RTN4: variants seen among roughly 807,000 people sequenced by gnomAD.
RTN4 encodes the protein reticulon-4.
Under a neutral mutation model 90.4 loss-of-function variants are expected in RTN4, and 32 were observed. That is an observed-to-expected ratio of 0.35 (90% CI 0.27 to 0.48). The LOEUF (loss-of-function observed/expected upper bound fraction) is 0.48. Among genes scored for constraint, RTN4 ranks in the 20% least tolerant of loss-of-function variants. The pLI is 0.99. For missense variants in RTN4, 1,706 were observed against 1,430.2 expected (o/e 1.19, Z -3.11); for synonymous variants, 629 against 552.5 (o/e 1.14, Z -1.94).
intron 5 of RTN4, among the ~76,000 whole-genome samples, chr2:54,976,869 A>T (rs867311779): frequency 1.1e-4 from 17 of 152,246 alleles, no homozygotes; most frequent in African/African-American, 3.4e-4. Context: ...GCCAATACTT[A>T]TTAACTGAAG....
intron 5 of RTN4, 71 bp downstream of exon 5, chr2:54,982,444 A>G: frequency 7.4e-7 from 1 of 1,345,412 alleles, no homozygotes; most frequent in Non-Finnish European, 1.0e-6. Context: ...ATAGAAGAAC[A>G]GAATTTTACA....
intron 3 of RTN4, among the ~76,000 whole-genome samples, chr2:55,003,390 A>T (rs765897915): frequency 3.3e-5 from 5 of 152,200 alleles, no homozygotes; most frequent in Non-Finnish European, 5.9e-5. Flanking sequence ...ACGACACAAA[A>T]TATTTTAGTG....
the RTN4 span, among the ~76,000 whole-genome samples, chr2:55,121,582 A>G: frequency 6.6e-6 from 1 of 152,258 alleles, no homozygotes; most frequent in Non-Finnish European, 1.5e-5. Context: ...CTATCAAAGT[A>G]TCCAGAATTT....
At chr2:54,981,740 T>C (rs1197677244) in intron 5 of RTN4, among the ~76,000 whole-genome samples, 3 of 152,064 alleles carry the variant, frequency 2.0e-5, no homozygotes, top group African/African-American at 7.2e-5. Flanking sequence ...CAGTTGAAGA[T>C]TAGTTGAAGT....
intron 3 of RTN4, among the ~76,000 whole-genome samples, chr2:55,008,142 AAC>A (rs200633765): frequency 1.8e-3 from 258 of 144,964 alleles, no homozygotes; most frequent in Admixed American, 4.3e-3. Flanking sequence ...TCGGCAAGCA[AAC>A]ACACACACAC....
At chr2:55,131,390 G>A in the RTN4 span, among the ~76,000 whole-genome samples, 1 of 134,896 alleles carries the variant, frequency 7.4e-6, no homozygotes, top group Non-Finnish European at 1.6e-5. Context: ...TGTATTTTTA[G>A]TAGAGATGGG....
chr2:55,002,134 C>T (rs1217732473), intron 3 of RTN4, among the ~76,000 whole-genome samples: 1 of 152,130 alleles, frequency 6.6e-6, no homozygotes, highest in Non-Finnish European at 1.5e-5. Context: ...TCATAGCTCA[C>T]TGCAGCCTCG....
chr2:55,046,683 T>C (rs368328738), intron 1 of RTN4: 5 of 152,362 alleles, frequency 3.3e-5, no homozygotes, highest in African/African-American at 1.2e-4. Context: ...AAGCTTAGAA[T>C]AGATCCTGTC....
upstream of RTN4, among the ~76,000 whole-genome samples, chr2:55,116,550 T>C (rs1373143800): frequency 6.6e-6 from 1 of 152,216 alleles, no homozygotes; most frequent in African/African-American, 2.4e-5. Context: ...AAGCATTCAC[T>C]GTTAGCTAGA....
intron 1 of RTN4, among the ~76,000 whole-genome samples, chr2:55,037,081 T>C (rs543586077): frequency 6.6e-6 from 1 of 152,218 alleles, no homozygotes; most frequent in South Asian, 2.1e-4. Context: ...CTTAACTCTA[T>C]TTCCATACAG....
At chr2:54,987,261 G>T (rs1678637200) in intron 4 of RTN4, among the ~76,000 whole-genome samples, 1 of 152,170 alleles carries the variant, frequency 6.6e-6, no homozygotes, top group Admixed American at 6.5e-5. Flanking sequence ...TTCCTAACAA[G>T]TAGCAGAGTT....
chr2:54,983,200 T>C (rs943016903), intron 4 of RTN4, among the ~76,000 whole-genome samples: 29 of 151,894 alleles, frequency 1.9e-4, no homozygotes, highest in African/African-American at 7.0e-4. Context: ...AAGCACCAGA[T>C]TGTAAAGTGG....
chr2:55,064,172 T>C (rs1573492347), intron 2 of RTN4, among the ~76,000 whole-genome samples: 1 of 140,830 alleles, frequency 7.1e-6, no homozygotes. Flanking sequence ...ATGGCTGTAC[T>C]CCAGACTGGG....
intron 7 of RTN4, 69 bp downstream of exon 7, chr2:54,973,752 T>A: frequency 6.5e-7 from 1 of 1,534,086 alleles, no homozygotes; most frequent in South Asian, 1.1e-5. Context: ...TGGGCACTAA[T>A]ACATCCGTAA....
chr2:55,082,224 G>A (rs905951218), intron 1 of RTN4, among the ~76,000 whole-genome samples: 1 of 152,206 alleles, frequency 6.6e-6, no homozygotes, highest in Non-Finnish European at 1.5e-5. Flanking sequence ...TCAGAATGGA[G>A]CAACCAAGGT....
chr2:55,137,012 T>A, the RTN4 span, among the ~76,000 whole-genome samples: 17 of 152,252 alleles, frequency 1.1e-4, no homozygotes, highest in African/African-American at 4.1e-4. Context: ...GAGAGACGCA[T>A]AAACCATCAC....
upstream of RTN4, among the ~76,000 whole-genome samples, chr2:55,053,040 A>G (rs1668125266): frequency 6.6e-6 from 1 of 152,246 alleles, no homozygotes; most frequent in Non-Finnish European, 1.5e-5. Flanking sequence ...TAGATTTACA[A>G]TTTTAATAGG....
At chr2:55,019,645 G>A (rs994031597) in intron 3 of RTN4, among the ~76,000 whole-genome samples, 19 of 152,086 alleles carry the variant, frequency 1.2e-4, no homozygotes, top group African/African-American at 4.6e-4. Flanking sequence ...TAAAGTCGGG[G>A]GAAGAGAGGC....
At position 55,026,997 on chromosome 2, in the gene RTN4, T is replaced by C; in HGVS notation, c.1102A>G (p.Ser368Gly). The C allele has an allele frequency of 6.2e-7, 1 of 1,613,544 alleles. No homozygotes were observed. The part of the protein sequence containing the change: ...EVVSSEKAKD[S>G]FNEKRVAVEA... ...ACTGCAACTCTCTTTTCATTAAAACTGTCTTTTGCTTTTTCTGAAGACACA... is the reference window on the plus strand; with the variant it reads ...ACTGCAACTCTCTTTTCATTAAAACCGTCTTTTGCTTTTTCTGAAGACACA... The change falls in exon 3 of 9, where the codon AGT becomes GGT. Residue 368 changes from serine to glycine, a missense_variant. Coordinates refer to ENST00000337526, the MANE Select transcript of RTN4 (RefSeq NM_020532.5).
Sources: gnomAD v4.1 joint callset for allele counts (sites outside exome capture counted in the v4.1 genomes callset) on GRCh38, gnomAD v4.1.1 for gene constraint, MANE v1.5 for transcripts, NCBI Gene and HGNC (gene_info 2026-07-23, HGNC 2026-07-21) for gene names.